The following KSR2 variants were observed in gnomAD, a reference collection of about 807,000 sequenced individuals.
KSR2 encodes kinase suppressor of ras 2.
In KSR2, 25 loss-of-function variants were observed where a neutral mutation model predicts 107.8. That is an observed-to-expected ratio of 0.23 (90% CI 0.17 to 0.32). The LOEUF (loss-of-function observed/expected upper bound fraction) is 0.32. Ranked by LOEUF, KSR2 falls within the 10% of genes least tolerant of loss-of-function variation. KSR2 has a pLI of 1.00. For synonymous variants in KSR2, 480 were observed against 507.0 expected, an observed-to-expected ratio of 0.95 and a Z score of 0.71; for missense variants, 887 against 1,268.9, an observed-to-expected ratio of 0.70 and a Z score of 4.57.
chr12:117,841,304 G>C (rs1428124727), intron 3 of KSR2, among the ~76,000 whole-genome samples: 3 of 152,150 alleles, frequency 2.0e-5, no homozygotes, highest in African/African-American at 7.2e-5. Context: ...TTCCCTGCAA[G>C]TTTCAAACAT....
intron 10 of KSR2, among the ~76,000 whole-genome samples, chr12:117,532,243 T>C (rs1458930758): frequency 1.3e-5 from 2 of 152,192 alleles, no homozygotes; most frequent in Non-Finnish European, 2.9e-5. Flanking sequence ...AAATAAGTCT[T>C]ACAGGGCTGA....
intron 5 of KSR2, among the ~76,000 whole-genome samples, chr12:117,639,893 C>T (rs952042139): frequency 1.3e-5 from 2 of 151,984 alleles, no homozygotes; most frequent in African/African-American, 4.8e-5. Flanking sequence ...CCTTCTCCAC[C>T]ACCTCCCCGA....
chr12:117,793,667 C>T (rs1221845049), intron 3 of KSR2, among the ~76,000 whole-genome samples: 3 of 146,658 alleles, frequency 2.0e-5, no homozygotes, highest in East Asian at 4.3e-4. Flanking sequence ...TGCACACATA[C>T]AACATGCACA....
At chr12:117,594,970 C>G (rs1324007057) in intron 5 of KSR2, among the ~76,000 whole-genome samples, 4 of 92,056 alleles carry the variant, frequency 4.3e-5, no homozygotes. Context: ...CTGGAAATCC[C>G]TGCCCAGAAA....
At chr12:117,792,704 GGCT>G (rs1389005911) in intron 3 of KSR2, among the ~76,000 whole-genome samples, 1 of 152,172 alleles carries the variant, frequency 6.6e-6, no homozygotes, top group South Asian at 2.1e-4. Flanking sequence ...ACTGCTGGTT[GGCT>G]GCTATTTCTC....
chr12:117,485,663 C>G lies in KSR2; in HGVS notation c.2248G>C (p.Val750Leu), dbSNP rs368852302. Residue 750 changes from valine (V) to leucine (L), a missense_variant, in exon 15 of 20, where the codon GTT becomes CTT. Physicochemically the swap from Val to Leu is conservative, Grantham distance 32. This residue lies in a region of KSR2 where 308 missense variants were observed against 506.2 expected (regional missense o/e 0.61). Coordinates refer to ENST00000339824, the MANE Select transcript of KSR2 (RefSeq NM_173598.6). Reference sequence around the variant, plus strand: ...AAAACGATTTTGGCATCCCTCACAACGGAATAGAGCGTCCGTCCCTTACAG... The same window carrying G: ...AAAACGATTTTGGCATCCCTCACAAGGGAATAGAGCGTCCGTCCCTTACAG... Reference protein sequence around the residue: ...SLCKGRTLYSVVRDAKIVLDV... With the variant: ...SLCKGRTLYSLVRDAKIVLDV... 5.6e-6 allele frequency: 9 copies of G among 1,613,444 alleles called. No individual in the cohort carries two copies. The highest frequency in any genetic ancestry group is 1.3e-5 in the African/African-American group (1 of 75,030).
chr12:117,694,386 T>C (rs528640978), intron 4 of KSR2, among the ~76,000 whole-genome samples: 20 of 152,310 alleles, frequency 1.3e-4, no homozygotes, highest in East Asian at 9.6e-4. Flanking sequence ...CCATGTAAGA[T>C]GTGACTTTGC....
At chr12:117,522,910 G>C (rs1208516846) in intron 14 of KSR2, among the ~76,000 whole-genome samples, 1 of 152,188 alleles carries the variant, frequency 6.6e-6, no homozygotes, top group African/African-American at 2.4e-5. Flanking sequence ...ATAGGATAGA[G>C]AGAAACCACT....
chr12:117,467,126 T>C lies in KSR2; in HGVS notation c.*73A>G, dbSNP rs1871184145. On this transcript the variant is annotated 3_prime_UTR_variant, in exon 20 of 20. Transcript: ENST00000339824. ...ATGCTGAGTCTCTGGCCTCCTGAGC[T>C]GGCAGAGGACAGAGTAGGGAGGGAG... The C allele has an allele frequency of 1.7e-6, 1 of 601,790 alleles. No individual in the cohort carries two copies. Among genetic ancestry groups the C allele is most frequent in the South Asian group, 2.2e-5 (1 of 44,874 alleles). The allele number at this position is 601,790 out of a possible 1,614,324, so 37.3% of individuals were successfully genotyped here. A position where few individuals can be genotyped will look rare whatever the true frequency, so the allele number is the denominator to read the frequency against.
Position 117,939,638 on chromosome 12 carries a change from G to A in KSR2, c.180+28438C>T, listed in dbSNP as rs146039077. On this transcript the variant is annotated intron_variant, in intron 1 of 19. Coordinates refer to ENST00000339824, the MANE Select transcript of KSR2 (RefSeq NM_173598.6). ...GAGGCAGGAGAATCGCTTGAACCCA[G>A]GAGGCGGAGGTTGCAGTGAGCCGAG... 7.1e-3 allele frequency among the ~76,000 whole-genome samples: 1,088 copies of A among 152,248 alleles called. 21 individuals carry two copies. The highest frequency in any genetic ancestry group is 0.025 in the African/African-American group (1,022 of 41,532).
At position 117,855,468 on chromosome 12, in the gene KSR2, G is replaced by T. The variant is rs1893070284; in HGVS notation, c.432C>A (p.Leu144=). Residue 144 remains leucine, a synonymous_variant, in exon 3 of 20, where the codon CTC becomes CTA. Coordinates refer to ENST00000339824, the MANE Select transcript of KSR2 (RefSeq NM_173598.6). ...TCCTGAGGCAGGAGAGGGAGGCGTTGAGGCGGGCACACTCCTCCCGGTTGG... is the reference window on the plus strand; with the variant it reads ...TCCTGAGGCAGGAGAGGGAGGCGTTTAGGCGGGCACACTCCTCCCGGTTGG... The part of the protein sequence containing the change: ...YGANREECAR[L]NASLSCLRNV... 1 of 1,613,916 alleles carries T rather than the reference G, an allele frequency of 6.2e-7. No individual in the cohort carries two copies. The highest frequency in any genetic ancestry group is 1.1e-5 in the South Asian group (1 of 91,086).
chr12:117,697,511 G>A (rs1036201681), intron 4 of KSR2, among the ~76,000 whole-genome samples: 2 of 152,212 alleles, frequency 1.3e-5, no homozygotes, highest in Admixed American at 1.3e-4. Context: ...GGGAGGCCAA[G>A]GCGGGCAGAT....
intron 4 of KSR2, among the ~76,000 whole-genome samples, chr12:117,711,652 T>C (rs1304142551): frequency 2.0e-5 from 3 of 152,248 alleles, no homozygotes; most frequent in Non-Finnish European, 4.4e-5. Flanking sequence ...GAAAGATCTA[T>C]GGATTATACA....
chr12:117,788,807 C>T (rs1427012652), intron 3 of KSR2, among the ~76,000 whole-genome samples: 1 of 152,164 alleles, frequency 6.6e-6, no homozygotes, highest in African/African-American at 2.4e-5. Context: ...GCCACATTGC[C>T]CGGCCTCCAG....
At chr12:117,894,769 C>T (rs1031487815) in intron 1 of KSR2, among the ~76,000 whole-genome samples, 1 of 142,606 alleles carries the variant, frequency 7.0e-6, no homozygotes, top group Non-Finnish European at 1.5e-5. Flanking sequence ...CTCACTCTGG[C>T]CACGTGAAGA....
At chr12:117,876,013 G>C (rs2137302652) in intron 1 of KSR2, among the ~76,000 whole-genome samples, 1 of 152,196 alleles carries the variant, frequency 6.6e-6, no homozygotes, top group African/African-American at 2.4e-5. Flanking sequence ...GTGGTTAAAC[G>C]CCAGGCCACT....
intron 3 of KSR2, among the ~76,000 whole-genome samples, chr12:117,806,717 G>A (rs995562303): frequency 2.0e-4 from 31 of 152,088 alleles, no homozygotes; most frequent in Admixed American, 6.6e-4. Context: ...TGGCTCTATG[G>A]GTTTACCCAT....
At chr12:117,579,080 G>A (rs757063922) in intron 7 of KSR2, 39 bp downstream of exon 7, 84 of 1,432,308 alleles carry the variant, frequency 5.9e-5, no homozygotes, top group Admixed American at 1.7e-4. Context: ...AGCTGACATC[G>A]GGTGCTGCGA....
chr12:117,490,717 G>A (rs1872700661), intron 14 of KSR2, among the ~76,000 whole-genome samples: 1 of 152,144 alleles, frequency 6.6e-6, no homozygotes, highest in African/African-American at 2.4e-5. Flanking sequence ...TATTCTAATT[G>A]AAGGTATCTT....
Sources: gnomAD v4.1 joint callset for allele counts (sites outside exome capture counted in the v4.1 genomes callset) on GRCh38, gnomAD v4.1.1 for gene constraint, gnomAD v4.1.1 regional missense constraint, MANE v1.5 for transcripts, NCBI Gene and HGNC (gene_info 2026-07-23, HGNC 2026-07-21) for gene names.